Variants in GLIS3 observed in about 807,000 individuals in gnomAD.
GLIS3 encodes the protein zinc finger protein GLIS3.
GLIS3 carries 53 observed loss-of-function variants against 78.6 expected under a neutral mutation model. That is an observed-to-expected ratio of 0.67 (90% CI 0.54 to 0.85). The LOEUF (loss-of-function observed/expected upper bound fraction) is 0.85. Ranked by LOEUF, GLIS3 falls within the 40% of genes least tolerant of loss-of-function variation. The pLI, the probability that GLIS3 is intolerant of heterozygous loss-of-function variation, is 0.00. For missense variants in GLIS3, 1,703 were observed against 1,231.1 expected, an observed-to-expected ratio of 1.38 and a Z score of -5.74; for synonymous variants, 684 against 509.9, an observed-to-expected ratio of 1.34 and a Z score of -4.60.
chr9:3,894,555 A>C (rs1416433839), intron 7 of GLIS3, among the ~76,000 whole-genome samples: 1 of 152,200 alleles, frequency 6.6e-6, no homozygotes, highest in African/African-American at 2.4e-5. Context: ...AGATTTTTAT[A>C]TGGTGCTATT....
At chr9:3,898,528 C>T in intron 7 of GLIS3, 163 bp downstream of exon 7, 1 of 748,208 alleles carries the variant, frequency 1.3e-6, no homozygotes, top group Non-Finnish European at 2.4e-6. Flanking sequence ...GCTGCCACAC[C>T]CAGCTCAGGA....
chr9:3,954,282 G>A (rs1816938340), intron 4 of GLIS3, among the ~76,000 whole-genome samples: 1 of 152,170 alleles, frequency 6.6e-6, no homozygotes, highest in East Asian at 1.9e-4. Flanking sequence ...CTGCAAATGT[G>A]ACCTAGAAGC....
At chr9:4,468,616 A>AT in the GLIS3 span, among the ~76,000 whole-genome samples, 1 of 152,232 alleles carries the variant, frequency 6.6e-6, no homozygotes, top group South Asian at 2.1e-4. Context: ...GGCCTGCCTT[A>AT]CAAGAGCTCC....
chr9:3,939,596 C>A (rs1026354671), intron 4 of GLIS3, among the ~76,000 whole-genome samples: 1 of 152,046 alleles, frequency 6.6e-6, no homozygotes, highest in African/African-American at 2.4e-5. Context: ...GGCACCTAGA[C>A]TGAAAATGAC....
At chr9:4,130,354 G>T (rs148071453) in intron 2 of GLIS3, among the ~76,000 whole-genome samples, 33 of 152,338 alleles carry the variant, frequency 2.2e-4, no homozygotes, top group African/African-American at 7.0e-4. Context: ...GACAATGGGG[G>T]AAGGCCCCAA....
intron 9 of GLIS3, among the ~76,000 whole-genome samples, chr9:3,842,201 C>T (rs754288077): frequency 2.0e-5 from 3 of 152,108 alleles, no homozygotes; most frequent in Non-Finnish European, 2.9e-5. Flanking sequence ...CAGCTGGGTG[C>T]GGTGGCTCAC....
intron 2 of GLIS3, among the ~76,000 whole-genome samples, chr9:4,263,847 G>C (rs1358542297): frequency 3.3e-5 from 5 of 152,102 alleles, no homozygotes; most frequent in African/African-American, 7.2e-5. Flanking sequence ...CTCATTGCCT[G>C]CATCTTCTTA....
chr9:4,345,517 T>C lies in GLIS3; in HGVS notation n.264+1564A>G, dbSNP rs577437014. Among the ~76,000 whole-genome samples, 9 of 152,354 alleles carry C rather than the reference T, an allele frequency of 5.9e-5. No homozygotes were observed. The South Asian group carries it at 6.2e-4, about 11-fold the overall frequency. On this transcript the variant is annotated intron_variant and non_coding_transcript_variant, in intron 2 of 4. Coordinates refer to the GLIS3 transcript ENST00000471664. ...TCAATAAGTATTTTTAAATGTATCA[T>C]AATTTAGAATACTTATCAAACCCCC...
At chr9:4,314,915 G>A (rs955451421) in intron 2 of GLIS3, among the ~76,000 whole-genome samples, 1 of 152,214 alleles carries the variant, frequency 6.6e-6, no homozygotes, top group Non-Finnish European at 1.5e-5. Flanking sequence ...GATGAATAGT[G>A]CTGGAACTCT....
At chr9:4,207,673 A>G (rs1053364628) in intron 2 of GLIS3, among the ~76,000 whole-genome samples, 2 of 152,188 alleles carry the variant, frequency 1.3e-5, no homozygotes, top group African/African-American at 4.8e-5. Flanking sequence ...TTGTGCCTGC[A>G]TCGCAGATGA....
intron 4 of GLIS3, among the ~76,000 whole-genome samples, chr9:4,102,432 G>T (rs1469729883): frequency 6.6e-6 from 1 of 152,140 alleles, no homozygotes; most frequent in African/African-American, 2.4e-5. Context: ...ATAAATTCTG[G>T]TTCCTGTCAC....
At chr9:4,193,469 T>C (rs577761938) in intron 2 of GLIS3, among the ~76,000 whole-genome samples, 3 of 152,332 alleles carry the variant, frequency 2.0e-5, no homozygotes, top group Admixed American at 6.5e-5. Flanking sequence ...ACTCCTGTTA[T>C]AGAAGATGGA....
intron 2 of GLIS3, among the ~76,000 whole-genome samples, chr9:4,246,873 A>G (rs1295751545): frequency 6.6e-6 from 1 of 152,224 alleles, no homozygotes; most frequent in Non-Finnish European, 1.5e-5. Flanking sequence ...AATATTGTCC[A>G]ATGAGATAAT....
intron 4 of GLIS3, among the ~76,000 whole-genome samples, chr9:4,090,790 C>T (rs932570658): frequency 1.4e-4 from 22 of 152,176 alleles, no homozygotes; most frequent in African/African-American, 4.6e-4. Context: ...AAAACACACC[C>T]TCTGTCAACT....
At chr9:4,273,334 T>C (rs548140324) in intron 2 of GLIS3, among the ~76,000 whole-genome samples, 6 of 152,260 alleles carry the variant, frequency 3.9e-5, no homozygotes, top group African/African-American at 1.4e-4. Context: ...GTGGCTCATG[T>C]CTGTAATTCC....
At position 3,824,449 on chromosome 9, in the gene GLIS3, A is replaced by T. The variant is rs1307820797; in HGVS notation, c.*3823T>A. The T allele has an allele frequency of 6.6e-6, 1 of 152,440 alleles. No individual in the cohort carries two copies. The highest frequency in any genetic ancestry group is 1.9e-4 in the East Asian group (1 of 5,196). 9.4% of individuals were successfully genotyped at this position (152,440 alleles called of 1,614,324 possible). A position where few individuals can be genotyped will look rare whatever the true frequency, so the allele number is the denominator to read the frequency against. On this transcript the variant is annotated 3_prime_UTR_variant, in exon 11 of 11. Coordinates refer to ENST00000381971, the MANE Select transcript of GLIS3 (RefSeq NM_001042413.2). ...ATTGTGTTTTAAACCGACAGGCTGAAGGAGGATTTTAGGCAGGAGGGCGTC... is the reference window on the plus strand; with the variant it reads ...ATTGTGTTTTAAACCGACAGGCTGATGGAGGATTTTAGGCAGGAGGGCGTC...
In GLIS3 at chr9:4,123,233, A is replaced by C. The variant is rs556149984; in HGVS notation, c.596+2501T>G. On this transcript the variant is annotated intron_variant, in intron 3 of 10. Transcript: ENST00000381971. ...AACATTTTACAGATCAAACTGGCAAAGTTTCTAAACTAGTAAAAGTTCTAA... is the reference window on the plus strand; with the variant it reads ...AACATTTTACAGATCAAACTGGCAACGTTTCTAAACTAGTAAAAGTTCTAA... Among the ~76,000 whole-genome samples, 290 of 152,328 alleles carry C rather than the reference A, an allele frequency of 1.9e-3. 3 individuals are homozygous for C. Among genetic ancestry groups the C allele is most frequent in the African/African-American group, 6.8e-3 (282 of 41,584 alleles).
intron 4 of GLIS3, among the ~76,000 whole-genome samples, chr9:4,011,751 C>T (rs1452442858): frequency 2.0e-5 from 3 of 152,170 alleles, no homozygotes; most frequent in African/African-American, 7.2e-5. Context: ...AGGCCAGACA[C>T]CTTACTCTGA....
intron 4 of GLIS3, among the ~76,000 whole-genome samples, chr9:3,966,449 GATA>G (rs1479891907): frequency 3.0e-5 from 4 of 132,698 alleles, no homozygotes; most frequent in African/African-American, 8.6e-5. Flanking sequence ...TTTTTTTTCA[GATA>G]ATGCTAATTG....
Sources: gnomAD v4.1 joint callset for allele counts (sites outside exome capture counted in the v4.1 genomes callset) on GRCh38, gnomAD v4.1.1 for gene constraint, MANE v1.5 for transcripts, NCBI Gene and HGNC (gene_info 2026-07-23, HGNC 2026-07-21) for gene names.